The following BCAS3 variants were observed in gnomAD, a reference collection of about 807,000 sequenced individuals.
BCAS3 encodes BCAS4/BCAS3 fusion.
BCAS3 carries 53 observed loss-of-function variants against 116.1 expected under a neutral mutation model. That is an observed-to-expected ratio of 0.46 (90% CI 0.37 to 0.57). BCAS3 has a LOEUF of 0.57. Among genes scored for constraint, BCAS3 ranks in the 20% least tolerant of loss-of-function variants. BCAS3 has a pLI of 0.00. For missense variants in BCAS3, 917 were observed against 1,165.4 expected (o/e 0.79, Z 3.10); for synonymous variants, 391 against 408.2 (o/e 0.96, Z 0.51).
In BCAS3 at chr17:61,131,963, T is replaced by C. The variant is rs1359024128; in HGVS notation, c.2425+47399T>C. On this transcript the variant is annotated intron_variant, in intron 22 of 23. Transcript: ENST00000407086. The surrounding 1 kb of genome is among the most constrained non-coding windows in gnomAD (Gnocchi z 4.4). Reference sequence around the variant, plus strand: ...ACATTTTTCTTTTCCTCTTGGGTGTTCTAATTCTCACTTGTTAACTGCTTT... The same window carrying C: ...ACATTTTTCTTTTCCTCTTGGGTGTCCTAATTCTCACTTGTTAACTGCTTT... Among the ~76,000 whole-genome samples, 2 of 152,220 alleles carry C rather than the reference T, an allele frequency of 1.3e-5. No individual in the cohort carries two copies. Among genetic ancestry groups the C allele is most frequent in the Non-Finnish European group, 2.9e-5 (2 of 68,036 alleles).
chr17:60,880,352 A>G (rs559682020), intron 9 of BCAS3, among the ~76,000 whole-genome samples: 1 of 152,028 alleles, frequency 6.6e-6, no homozygotes, highest in African/African-American at 2.4e-5. Flanking sequence ...GCTGTGGCAC[A>G]GTCTCGGCTC....
chr17:60,723,551 A>G (rs955140982), intron 5 of BCAS3, among the ~76,000 whole-genome samples: 3 of 151,960 alleles, frequency 2.0e-5, no homozygotes, highest in African/African-American at 7.3e-5. Flanking sequence ...ATTATTTAGT[A>G]TAATTTCCTA....
rs749094964 is a variant in BCAS3 at position 61,180,411 on chromosome 17, G to A, written c.2425+95847G>A. Among the ~76,000 whole-genome samples the A allele has an allele frequency of 1.3e-5, 2 of 152,228 alleles. No individual in the cohort carries two copies. The highest frequency in any genetic ancestry group is 2.9e-5 in the Non-Finnish European group (2 of 68,040). ...TAAATAAACTCTAAGCCAATGTACT[G>A]TTAAACTGGGAGCCACTGGGTAGAA... On this transcript the variant is annotated intron_variant, in intron 22 of 23. Coordinates refer to ENST00000407086, the MANE Select transcript of BCAS3 (RefSeq NM_017679.5). This position sits in a 1 kb window ranked among gnomAD's most constrained non-coding sequence, Gnocchi z 6.0.
Position 61,217,644 on chromosome 17 carries a change from G to A in BCAS3, c.2425+133080G>A, listed in dbSNP as rs1288141591. On this transcript the variant is annotated intron_variant, in intron 22 of 23. Transcript: ENST00000407086. This position sits in a 1 kb window ranked among gnomAD's most constrained non-coding sequence, Gnocchi z 5.2. The stretch of plus-strand genomic sequence containing the variant: ...TTCCCAGGACCTAGACACTCCAAAA[G>A]TCTGCATTTTTATCCTGTTAGGTTT... Among the ~76,000 whole-genome samples the A allele has an allele frequency of 6.6e-6, 1 of 152,122 alleles. No individual in the cohort carries two copies. Among genetic ancestry groups the A allele is most frequent in the African/African-American group, 2.4e-5 (1 of 41,414 alleles).
intron 22 of BCAS3, among the ~76,000 whole-genome samples, chr17:61,358,500 ATTT>A (rs71150608): frequency 3.1e-5 from 4 of 130,888 alleles, no homozygotes; most frequent in Admixed American, 8.1e-5. Flanking sequence ...CACGTTTTTA[ATTT>A]TTTTTTTTTT....
chr17:61,052,309 T>C (rs905432172), intron 19 of BCAS3, among the ~76,000 whole-genome samples: 1 of 152,178 alleles, frequency 6.6e-6, no homozygotes, highest in African/African-American at 2.4e-5. Context: ...TCTTTTTCTT[T>C]GTGTTAATTT....
chr17:60,692,626 C>G (rs1381074237), intron 4 of BCAS3, among the ~76,000 whole-genome samples: 1 of 149,244 alleles, frequency 6.7e-6, no homozygotes, highest in Non-Finnish European at 1.5e-5. Flanking sequence ...CCCAGCTACT[C>G]AGGAGGCTGA....
chr17:60,981,777 T>C (rs1363891907), intron 14 of BCAS3, among the ~76,000 whole-genome samples: 1 of 152,202 alleles, frequency 6.6e-6, no homozygotes, highest in Non-Finnish European at 1.5e-5. Flanking sequence ...ATTATTCCTG[T>C]TTTGCAAATG....
rs902236809 is a variant in BCAS3, at chr17:61,008,434, T to C, written c.1487-7317T>C. Among the ~76,000 whole-genome samples the C allele has an allele frequency of 2.6e-5, 4 of 152,152 alleles. No homozygotes were observed. Among genetic ancestry groups the C allele is most frequent in the Admixed American group, 2.0e-4 (3 of 15,262 alleles). ...TATTGAGAGTTTGGTTGAAAAAACTTTAATGTTAAATTGGATGGCAAGCAA... is the reference window on the plus strand; with the variant it reads ...TATTGAGAGTTTGGTTGAAAAAACTCTAATGTTAAATTGGATGGCAAGCAA... On this transcript the variant is annotated intron_variant, in intron 15 of 23. Coordinates refer to ENST00000407086, the MANE Select transcript of BCAS3 (RefSeq NM_017679.5). The surrounding 1 kb of genome is among the most constrained non-coding windows in gnomAD (Gnocchi z 4.6).
intron 10 of BCAS3, among the ~76,000 whole-genome samples, 154 bp from the exon 11 acceptor site, chr17:60,902,466 A>G (rs1371087012): frequency 1.3e-5 from 2 of 152,246 alleles, no homozygotes; most frequent in Admixed American, 1.3e-4. Flanking sequence ...GTGTCTCGGC[A>G]AAGCTTTTAG....
intron 22 of BCAS3, among the ~76,000 whole-genome samples, chr17:61,089,980 A>G (rs1166153594): frequency 6.6e-6 from 1 of 152,186 alleles, no homozygotes; most frequent in Non-Finnish European, 1.5e-5. Flanking sequence ...GACATTGTTC[A>G]GTCTACAATG....
At chr17:61,280,431 T>G (rs905755633) in intron 22 of BCAS3, among the ~76,000 whole-genome samples, 2 of 152,122 alleles carry the variant, frequency 1.3e-5, no homozygotes, top group African/African-American at 2.4e-5. Flanking sequence ...GGTCATCAGA[T>G]TTGTCTTTGG....
At position 61,042,614 on chromosome 17, in the gene BCAS3, G is replaced by A. The variant is rs148301610; in HGVS notation, c.2029+1722G>A. On this transcript the variant is annotated intron_variant, in intron 19 of 23. Transcript: ENST00000407086. Reference sequence around the variant, plus strand: ...TTAGAAAGATCATTCTGGGCTGGGCGCAGTGGCTCACGTCTGTAATCCCAG... The same window carrying A: ...TTAGAAAGATCATTCTGGGCTGGGCACAGTGGCTCACGTCTGTAATCCCAG... Among the ~76,000 whole-genome samples, 399 of 151,818 alleles carry A rather than the reference G, an allele frequency of 2.6e-3. 4 individuals are homozygous for A. Among genetic ancestry groups the A allele is most frequent in the African/African-American group, 9.3e-3 (384 of 41,414 alleles).
intron 22 of BCAS3, among the ~76,000 whole-genome samples, chr17:61,119,744 T>C (rs1202890453): frequency 2.6e-5 from 4 of 152,012 alleles, no homozygotes; most frequent in African/African-American, 7.2e-5. Context: ...GACAATATAA[T>C]TTTTTCACTT....
intron 22 of BCAS3, among the ~76,000 whole-genome samples, chr17:61,201,931 G>A (rs1247830629): frequency 2.0e-5 from 3 of 150,942 alleles, no homozygotes; most frequent in African/African-American, 4.9e-5. Flanking sequence ...GCTAGTTTTT[G>A]TTATTTTTAG....
chr17:60,687,498 G>A (rs1207839708), intron 3 of BCAS3, among the ~76,000 whole-genome samples: 2 of 152,172 alleles, frequency 1.3e-5, no homozygotes, highest in South Asian at 2.1e-4. Flanking sequence ...CAGCTATTTG[G>A]GAGGCTGACA....
Position 61,021,106 on chromosome 17 carries a change from G to C in BCAS3, c.1637+5205G>C, listed in dbSNP as rs762299833. ...GTCTTGCTCTGTCACCCAGGCTGGA[G>C]TGCAGTGGTGTGTGATCTCCACCCA... is the stretch of plus-strand genomic sequence containing the variant. On this transcript the variant is annotated intron_variant, in intron 16 of 23. Coordinates refer to ENST00000407086, the MANE Select transcript of BCAS3 (RefSeq NM_017679.5). The surrounding 1 kb of genome is among the most constrained non-coding windows in gnomAD (Gnocchi z 4.6). 6.6e-6 allele frequency among the ~76,000 whole-genome samples: 1 copy of C among 151,980 alleles called. No homozygotes were observed. The highest frequency in any genetic ancestry group is 1.9e-4 in the East Asian group (1 of 5,176).
At chr17:60,840,169 A>C (rs1357116217) in intron 7 of BCAS3, among the ~76,000 whole-genome samples, 3 of 152,100 alleles carry the variant, frequency 2.0e-5, no homozygotes, top group Non-Finnish European at 4.4e-5. Flanking sequence ...TGAGAGACAA[A>C]ATTTAAATAT....
intron 22 of BCAS3, among the ~76,000 whole-genome samples, chr17:61,304,512 C>A (rs1267637840): frequency 6.6e-6 from 1 of 152,148 alleles, no homozygotes; most frequent in Non-Finnish European, 1.5e-5. Context: ...CATTCCCATT[C>A]ATACTCATTG....
Sources: allele counts gnomAD v4.1 joint callset (sites outside exome capture counted in the v4.1 genomes callset), GRCh38; gene constraint gnomAD v4.1.1; non-coding constraint Gnocchi (gnomAD v3.1); transcripts MANE v1.5; gene names NCBI Gene and HGNC (gene_info 2026-07-23, HGNC 2026-07-21).